Variants in HECW2 observed in about 807,000 individuals in gnomAD.
The protein encoded by HECW2 is HECT, C2 and WW domain containing E3 ubiquitin protein ligase 2, also known as E3 ubiquitin-protein ligase HECW2.
Under a neutral mutation model 175.2 loss-of-function variants are expected in HECW2, and 61 were observed. The ratio of observed to expected loss-of-function variants is 0.35; its 90% CI spans 0.28 to 0.43. The LOEUF (loss-of-function observed/expected upper bound fraction) is 0.43, where lower values mean the gene tolerates loss of function less well. Among genes scored for constraint, HECW2 ranks in the 20% least tolerant of loss-of-function variants. The probability of loss-of-function intolerance (pLI) is 1.00; values close to 1 mark genes in which losing one functional copy is unlikely to be tolerated. For missense variants in HECW2, 1,524 were observed against 2,000.5 expected (o/e 0.76, Z 4.54); for synonymous variants, 671 against 731.0 (o/e 0.92, Z 1.32).
At chr2:196,331,437 A>G (rs1692355463) in intron 4 of HECW2, 1 of 275,364 alleles carries the variant, frequency 3.6e-6, no homozygotes, top group Non-Finnish European at 5.5e-6. Flanking sequence ...GCCTGGGCAC[A>G]GGAAGATATC....
intron 16 of HECW2, among the ~76,000 whole-genome samples, chr2:196,271,836 G>A (rs1413802718): frequency 6.6e-6 from 1 of 152,212 alleles, no homozygotes; most frequent in African/African-American, 2.4e-5. Flanking sequence ...GAACTAGACT[G>A]TGCCCACCAC....
chr2:196,205,126 A>G (rs1353113109), intron 28 of HECW2, among the ~76,000 whole-genome samples: 3 of 152,240 alleles, frequency 2.0e-5, no homozygotes, highest in Non-Finnish European at 4.4e-5. Flanking sequence ...TATGGTTACC[A>G]TAACACAACT....
At chr2:196,397,897 C>T (rs1187316247) in intron 2 of HECW2, among the ~76,000 whole-genome samples, 1 of 152,182 alleles carries the variant, frequency 6.6e-6, no homozygotes, top group Non-Finnish European at 1.5e-5. Context: ...TCACCTGCTC[C>T]CAAAGATATT....
chr2:196,327,108 T>C (rs1016573904), intron 5 of HECW2, among the ~76,000 whole-genome samples: 2 of 152,248 alleles, frequency 1.3e-5, no homozygotes, highest in East Asian at 3.9e-4. Context: ...TTGTAGTAAA[T>C]AAAGAGTAAC....
At chr2:196,496,019 T>C (rs1687380464) in intron 1 of HECW2, among the ~76,000 whole-genome samples, 1 of 152,188 alleles carries the variant, frequency 6.6e-6, no homozygotes, top group African/African-American at 2.4e-5. Flanking sequence ...TCTTTTATCT[T>C]TCCAAACATC....
At chr2:196,574,435 GAA>G (rs555244183) in intron 1 of HECW2, among the ~76,000 whole-genome samples, 1 of 135,044 alleles carries the variant, frequency 7.4e-6, no homozygotes. Flanking sequence ...GTCTCAAGAA[GAA>G]AAAAAAAAAG....
chr2:196,286,087 G>A (rs1179964140), intron 14 of HECW2, among the ~76,000 whole-genome samples: 1 of 152,194 alleles, frequency 6.6e-6, no homozygotes, highest in East Asian at 1.9e-4. Context: ...GAGATGGCTT[G>A]TACCAGCTTG....
chr2:196,540,743 C>T (rs1464072672), intron 1 of HECW2, among the ~76,000 whole-genome samples: 1 of 152,138 alleles, frequency 6.6e-6, no homozygotes, highest in Non-Finnish European at 1.5e-5. Context: ...GGTCAGGAAT[C>T]TAAATTTCAA....
At chr2:196,256,212 A>G (rs1166123571) in intron 18 of HECW2, among the ~76,000 whole-genome samples, 2 of 152,234 alleles carry the variant, frequency 1.3e-5, no homozygotes, top group Non-Finnish European at 2.9e-5. Context: ...ACATGTGATC[A>G]CCCACATGAA....
At chr2:196,425,758 A>G (rs868162707) in intron 2 of HECW2, among the ~76,000 whole-genome samples, 4 of 152,202 alleles carry the variant, frequency 2.6e-5, no homozygotes, top group Non-Finnish European at 5.9e-5. Flanking sequence ...TACTCCTGAT[A>G]AAGAAGCTGT....
intron 1 of HECW2, among the ~76,000 whole-genome samples, chr2:196,510,886 C>T (rs888643511): frequency 6.6e-6 from 1 of 152,110 alleles, no homozygotes; most frequent in South Asian, 2.1e-4. Flanking sequence ...AGGACTACTC[C>T]CCCATTCTCT....
At chr2:196,397,775 A>G (rs902187174) in intron 2 of HECW2, among the ~76,000 whole-genome samples, 10 of 152,244 alleles carry the variant, frequency 6.6e-5, no homozygotes, top group Admixed American at 1.3e-4. Context: ...CCAACTGTTT[A>G]GATATCATTT....
intron 28 of HECW2, among the ~76,000 whole-genome samples, chr2:196,209,677 C>T (rs913877077): frequency 2.0e-5 from 3 of 152,136 alleles, no homozygotes; most frequent in African/African-American, 7.2e-5. Context: ...CAACGAGGGA[C>T]ACCTCAGGGC....
At chr2:196,362,119 G>A (rs1693606307) in intron 2 of HECW2, 7 of 985,120 alleles carry the variant, frequency 7.1e-6, no homozygotes, top group African/African-American at 1.7e-5. Flanking sequence ...CAGTATGAAT[G>A]ACACTAAAAG....
chr2:196,530,152 T>TGCA (rs1230498988), intron 1 of HECW2, among the ~76,000 whole-genome samples: 1 of 152,186 alleles, frequency 6.6e-6, no homozygotes, highest in Admixed American at 6.5e-5. Flanking sequence ...CTTTAAAGGG[T>TGCA]GCATGTGCTG....
intron 1 of HECW2, among the ~76,000 whole-genome samples, chr2:196,518,999 A>G (rs1215486430): frequency 6.6e-6 from 1 of 152,208 alleles, no homozygotes; most frequent in Non-Finnish European, 1.5e-5. Context: ...TTACAGTTCA[A>G]TAGATGTCTA....
intron 1 of HECW2, among the ~76,000 whole-genome samples, chr2:196,521,942 T>C (rs1373026274): frequency 2.0e-5 from 3 of 152,092 alleles, no homozygotes; most frequent in Non-Finnish European, 4.4e-5. Flanking sequence ...ACAATAAACA[T>C]ACATGTGCCT....
chr2:196,278,365 C>T (rs1690056513), intron 15 of HECW2, among the ~76,000 whole-genome samples, 163 bp downstream of exon 15: 1 of 147,430 alleles, frequency 6.8e-6, no homozygotes, highest in Non-Finnish European at 1.5e-5. Flanking sequence ...TATGTATTTC[C>T]AGAGAAGCCC....
intron 25 of HECW2, among the ~76,000 whole-genome samples, chr2:196,220,554 T>C (rs913037455): frequency 8.5e-5 from 13 of 152,234 alleles, no homozygotes; most frequent in African/African-American, 2.9e-4. Context: ...CTAGTGGTCA[T>C]TAAATCAACA....
Sources: allele counts gnomAD v4.1 joint callset (sites outside exome capture counted in the v4.1 genomes callset), GRCh38; gene constraint gnomAD v4.1.1; transcripts MANE v1.5; gene names NCBI Gene and HGNC (gene_info 2026-07-23, HGNC 2026-07-21).